Variants in SORCS1 observed in about 807,000 individuals in gnomAD.
The protein encoded by SORCS1 is VPS10 domain-containing receptor SorCS1.
SORCS1 carries 60 observed loss-of-function variants against 146.1 expected under a neutral mutation model. The ratio of observed to expected loss-of-function variants is 0.41; its 90% CI spans 0.33 to 0.51. The LOEUF is 0.51. Ranked by LOEUF, SORCS1 falls within the 20% of genes least tolerant of loss-of-function variation. SORCS1 has a pLI of 0.21. For missense variants in SORCS1, 1,352 were observed against 1,487.6 expected, an observed-to-expected ratio of 0.91 and a Z score of 1.50; for synonymous variants, 637 against 584.0, an observed-to-expected ratio of 1.09 and a Z score of -1.31.
chr10:107,137,256 C>T (rs2134684036), intron 1 of SORCS1, among the ~76,000 whole-genome samples: 1 of 152,300 alleles, frequency 6.6e-6, no homozygotes, highest in Non-Finnish European at 1.5e-5. Flanking sequence ...GGTGCCAGAG[C>T]ATTCCGAGGC....
intron 24 of SORCS1, among the ~76,000 whole-genome samples, chr10:106,596,009 C>G (rs1016869313): frequency 1.3e-5 from 2 of 152,178 alleles, no homozygotes; most frequent in African/African-American, 2.4e-5. Flanking sequence ...CTGAATTAAT[C>G]TTCACACAAT....
At chr10:106,806,505 C>CT (rs1191296212) in intron 3 of SORCS1, among the ~76,000 whole-genome samples, 810 of 70,444 alleles carry the variant, frequency 0.011, 219 homozygotes, top group East Asian at 0.05. Flanking sequence ...GAGAGGAAGC[C>CT]TTTTTTTTTT....
At chr10:107,156,785 C>T (rs1969316948) in intron 1 of SORCS1, among the ~76,000 whole-genome samples, 1 of 152,176 alleles carries the variant, frequency 6.6e-6, no homozygotes, top group Admixed American at 6.6e-5. Context: ...TAGCTTTTAT[C>T]TGCATAAGAA....
chr10:106,905,165 A>C lies in SORCS1; in HGVS notation c.626+51348T>G, dbSNP rs1951860108. Among the ~76,000 whole-genome samples the C allele has an allele frequency of 3.3e-5, 5 of 152,140 alleles. No individual in the cohort carries two copies. In the South Asian group the frequency reaches 1.0e-3, roughly 31 times the overall value. On this transcript the variant is annotated intron_variant, in intron 2 of 25. Coordinates refer to ENST00000263054, the MANE Select transcript of SORCS1 (RefSeq NM_052918.5). ...GCAGAAAAGGTTGATTTAGAGAAGG[A>C]AAAATAAAAGAAAAATACCAAATTG...
At chr10:106,984,253 A>C (rs1034106235) in intron 1 of SORCS1, among the ~76,000 whole-genome samples, 12 of 152,234 alleles carry the variant, frequency 7.9e-5, no homozygotes, top group African/African-American at 2.4e-4. Flanking sequence ...ATTAGTTTAT[A>C]TTTTTTACAT....
chr10:106,731,528 CAT>C (rs949733920), intron 5 of SORCS1, among the ~76,000 whole-genome samples: 2 of 152,094 alleles, frequency 1.3e-5, no homozygotes, highest in African/African-American at 4.8e-5. Context: ...ACCCCTGAAT[CAT>C]AGTTTAAGAC....
chr10:106,720,042 C>T (rs1855672784), intron 6 of SORCS1, among the ~76,000 whole-genome samples: 1 of 152,230 alleles, frequency 6.6e-6, no homozygotes, highest in Non-Finnish European at 1.5e-5. Context: ...TCCGAGATTT[C>T]TTCCTTGATG....
chr10:107,064,562 T>A (rs1386612908), intron 1 of SORCS1, among the ~76,000 whole-genome samples: 1 of 152,232 alleles, frequency 6.6e-6, no homozygotes, highest in Admixed American at 6.5e-5. Context: ...CAATCTTGTA[T>A]ACTGACCTGC....
At chr10:107,180,127 A>G in the SORCS1 span, among the ~76,000 whole-genome samples, 1 of 151,562 alleles carries the variant, frequency 6.6e-6, no homozygotes, top group East Asian at 1.9e-4. Context: ...TGTTGCTCAG[A>G]CTATTCTCAA....
At chr10:107,014,284 AAGAG>A (rs906628023) in intron 1 of SORCS1, among the ~76,000 whole-genome samples, 153 of 145,020 alleles carry the variant, frequency 1.1e-3, no homozygotes, top group East Asian at 6.3e-3. Flanking sequence ...AAAAGAAAAA[AAGAG>A]AGAGAGAGAG....
At chr10:106,899,057 A>G (rs1951597127) in intron 2 of SORCS1, among the ~76,000 whole-genome samples, 1 of 152,238 alleles carries the variant, frequency 6.6e-6, no homozygotes, top group Non-Finnish European at 1.5e-5. Flanking sequence ...ATTTCTCAAA[A>G]TAATCTTTCC....
intron 1 of SORCS1, among the ~76,000 whole-genome samples, chr10:107,108,248 C>A (rs184210405): frequency 1.3e-5 from 2 of 152,302 alleles, no homozygotes; most frequent in Non-Finnish European, 2.9e-5. Flanking sequence ...GCTGTCCTTG[C>A]ATTCCTATAA....
intron 1 of SORCS1, among the ~76,000 whole-genome samples, chr10:107,107,247 G>T (rs1474308844): frequency 1.3e-5 from 2 of 152,192 alleles, no homozygotes; most frequent in Non-Finnish European, 1.5e-5. Flanking sequence ...AAAAAAAGAA[G>T]AGATGCAGAG....
chr10:106,744,617 T>C (rs1487285981), intron 5 of SORCS1, among the ~76,000 whole-genome samples: 1 of 152,248 alleles, frequency 6.6e-6, no homozygotes, highest in Admixed American at 6.5e-5. Context: ...ATTTTTCATG[T>C]ATTTTTTAAT....
chr10:106,979,008 T>C (rs1037066378), intron 1 of SORCS1, among the ~76,000 whole-genome samples: 4 of 152,100 alleles, frequency 2.6e-5, no homozygotes, highest in Non-Finnish European at 4.4e-5. Flanking sequence ...CAACTCCTGG[T>C]CTAGAGACAT....
intron 2 of SORCS1, among the ~76,000 whole-genome samples, chr10:106,953,649 T>C (rs1419785623): frequency 6.6e-6 from 1 of 152,166 alleles, no homozygotes; most frequent in East Asian, 1.9e-4. Context: ...AGGTATAGCA[T>C]ACTACTTATG....
intron 1 of SORCS1, among the ~76,000 whole-genome samples, chr10:107,078,236 T>C (rs562868596): frequency 6.6e-6 from 1 of 152,306 alleles, no homozygotes; most frequent in Non-Finnish European, 1.5e-5. Flanking sequence ...GACCACGGTG[T>C]TAAATAACTT....
At chr10:106,812,348 T>C (rs1947506254) in intron 3 of SORCS1, among the ~76,000 whole-genome samples, 1 of 152,206 alleles carries the variant, frequency 6.6e-6, no homozygotes, top group East Asian at 1.9e-4. Flanking sequence ...CGTGGGAATG[T>C]TCTCAGTACA....
chr10:106,916,791 C>A (rs1014173046), intron 2 of SORCS1, among the ~76,000 whole-genome samples: 1 of 152,056 alleles, frequency 6.6e-6, no homozygotes, highest in Admixed American at 6.5e-5. Context: ...ACTCTGTCGG[C>A]CAGGCTGGAG....
Sources: gnomAD v4.1 joint callset for allele counts (sites outside exome capture counted in the v4.1 genomes callset) on GRCh38, gnomAD v4.1.1 for gene constraint, MANE v1.5 for transcripts, NCBI Gene and HGNC (gene_info 2026-07-23, HGNC 2026-07-21) for gene names.